Variants in ACTR3C observed in about 807,000 individuals in gnomAD.
ACTR3C encodes the protein actin-related protein 3C.
A neutral mutation model predicts 26.3 loss-of-function variants in ACTR3C; 18 were observed. The ratio of observed to expected loss-of-function variants is 0.68; its 90% CI spans 0.47 to 1.01. ACTR3C has a LOEUF of 1.01. ACTR3C is among the 50% of genes least tolerant of loss of function. The pLI is 0.00. For missense variants in ACTR3C, 184 were observed against 250.7 expected, an observed-to-expected ratio of 0.73 and a Z score of 1.80; for synonymous variants, 55 against 94.5, an observed-to-expected ratio of 0.58 and a Z score of 2.42.
the ACTR3C span, chr7:150,047,883 T>C: frequency 2.1e-6 from 3 of 1,432,338 alleles, no homozygotes; most frequent in Non-Finnish European, 2.8e-6. Flanking sequence ...TGGCTGTCTT[T>C]AGGGCTTTTT....
chr7:149,942,153 T>C, the ACTR3C span, among the ~76,000 whole-genome samples: 1 of 152,208 alleles, frequency 6.6e-6, no homozygotes, highest in East Asian at 1.9e-4. Flanking sequence ...TGTGTGTACA[T>C]ACATGTATGC....
chr7:150,234,739 C>T, the ACTR3C span, among the ~76,000 whole-genome samples: 23 of 152,052 alleles, frequency 1.5e-4, no homozygotes, highest in Non-Finnish European at 3.2e-4. Context: ...TTTGGATACA[C>T]GAATTGTCAC....
chr7:150,036,393 T>G, the ACTR3C span, among the ~76,000 whole-genome samples: 11 of 147,300 alleles, frequency 7.5e-5, 1 homozygote, highest in East Asian at 2.1e-3. Context: ...CCCCACAGTT[T>G]GGGTTAAAAG....
At chr7:149,912,563 C>T in the ACTR3C span, among the ~76,000 whole-genome samples, 16 of 150,104 alleles carry the variant, frequency 1.1e-4, no homozygotes, top group African/African-American at 3.7e-4. Context: ...AGTGCAGTGG[C>T]GCGATCTCGG....
chr7:150,283,428 A>G (rs1193955739), intron 6 of ACTR3C, among the ~76,000 whole-genome samples: 1 of 150,292 alleles, frequency 6.7e-6, no homozygotes, highest in African/African-American at 2.5e-5. Context: ...CTCAAAAGTT[A>G]TCTAAACAGA....
At chr7:150,239,048 T>A (rs1004788410), downstream of ACTR3C, among the ~76,000 whole-genome samples, 1 of 152,008 alleles carries the variant, frequency 6.6e-6, no homozygotes, top group Non-Finnish European at 1.5e-5. Context: ...TCCTTACTGG[T>A]TTGTTTTCAT....
At chr7:150,229,017 G>A in the ACTR3C span, among the ~76,000 whole-genome samples, 3 of 151,820 alleles carry the variant, frequency 2.0e-5, no homozygotes, top group South Asian at 6.2e-4. Flanking sequence ...ACATGACTGT[G>A]TATCCTGTAA....
the ACTR3C span, among the ~76,000 whole-genome samples, chr7:150,070,996 A>G: frequency 3.5e-5 from 5 of 142,726 alleles, no homozygotes; most frequent in East Asian, 6.6e-4. Flanking sequence ...GGGTTTCACC[A>G]TGTTAGCCAG....
the ACTR3C span, among the ~76,000 whole-genome samples, chr7:149,933,043 C>G: frequency 7.2e-6 from 1 of 138,340 alleles, no homozygotes; most frequent in Non-Finnish European, 1.6e-5. Flanking sequence ...GAGTGAGACT[C>G]TTGTCTCTGA....
At chr7:150,253,499 G>C (rs1404473051) in intron 6 of ACTR3C, among the ~76,000 whole-genome samples, 1 of 152,012 alleles carries the variant, frequency 6.6e-6, no homozygotes, top group Admixed American at 6.6e-5. Context: ...GTAAAGTTTT[G>C]CTGTAACCTG....
chr7:150,028,563 G>A, the ACTR3C span, among the ~76,000 whole-genome samples: 12 of 152,414 alleles, frequency 7.9e-5, no homozygotes, highest in African/African-American at 2.4e-4. Flanking sequence ...GCCCGGCGCC[G>A]AGGCTGATCC....
chr7:150,139,371 A>G, the ACTR3C span, among the ~76,000 whole-genome samples: 5 of 152,250 alleles, frequency 3.3e-5, no homozygotes, highest in African/African-American at 1.2e-4. Flanking sequence ...AAAAATGAGG[A>G]AAAAGGACAT....
the ACTR3C span, among the ~76,000 whole-genome samples, chr7:150,034,110 C>CA: frequency 0.016 from 2,384 of 149,640 alleles, 43 homozygotes; most frequent in Middle Eastern, 0.039. Flanking sequence ...TCCCAACAAC[C>CA]GGGGGGAAGA....
the ACTR3C span, among the ~76,000 whole-genome samples, chr7:149,915,253 A>T: frequency 2.7e-4 from 41 of 150,922 alleles, no homozygotes; most frequent in African/African-American, 9.9e-4. Context: ...GCAATAAGGG[A>T]ATTAAAAAAG....
chr7:150,173,372 T>C, the ACTR3C span, among the ~76,000 whole-genome samples: 10,277 of 133,668 alleles, frequency 0.077, 844 homozygotes, highest in African/African-American at 0.19. Context: ...GGCTACAGCC[T>C]GAGTTCTACA....
chr7:150,249,310 AC>A (rs901671059), intron 6 of ACTR3C, among the ~76,000 whole-genome samples: 8 of 152,214 alleles, frequency 5.3e-5, no homozygotes, highest in African/African-American at 1.9e-4. Context: ...CCACTTCTAT[AC>A]CCACAGAAAT....
At chr7:150,159,164 A>C in the ACTR3C span, among the ~76,000 whole-genome samples, 2 of 126,632 alleles carry the variant, frequency 1.6e-5, no homozygotes, top group African/African-American at 3.2e-5. Flanking sequence ...TTTATTTGTC[A>C]TACCTTAACA....
At chr7:150,086,963 A>G in the ACTR3C span, among the ~76,000 whole-genome samples, 2 of 152,190 alleles carry the variant, frequency 1.3e-5, no homozygotes, top group African/African-American at 4.8e-5. Context: ...AAGACAAGAA[A>G]GTAGGCTCAA....
chr7:149,929,462 G>A, the ACTR3C span, among the ~76,000 whole-genome samples: 2 of 142,400 alleles, frequency 1.4e-5, no homozygotes, highest in African/African-American at 5.1e-5. Context: ...GTCACCAATG[G>A]ATACTTAAAC....
Sources: gnomAD v4.1 joint callset for allele counts (sites outside exome capture counted in the v4.1 genomes callset) on GRCh38, gnomAD v4.1.1 for gene constraint, MANE v1.5 for transcripts, NCBI Gene and HGNC (gene_info 2026-07-23, HGNC 2026-07-21) for gene names.